ABLIM3: variants seen among roughly 807,000 people sequenced by gnomAD.
ABLIM3 encodes actin binding LIM protein family member 3, also known as actin-binding LIM protein 3.
Under a neutral mutation model 109.5 loss-of-function variants are expected in ABLIM3, and 61 were observed. The observed-to-expected ratio is 0.56, with a 90% confidence interval of 0.45 to 0.69. The LOEUF is 0.69. ABLIM3 is among the 30% of genes least tolerant of loss of function. The probability of loss-of-function intolerance (pLI) is 0.00; values close to 1 mark genes in which losing one functional copy is unlikely to be tolerated. For missense variants in ABLIM3, 796 were observed against 889.5 expected (o/e 0.89, Z 1.34); for synonymous variants, 300 against 324.8 (o/e 0.92, Z 0.82).
chr5:149,246,913 A>G (rs1226595485), intron 17 of ABLIM3, among the ~76,000 whole-genome samples: 1 of 152,254 alleles, frequency 6.6e-6, no homozygotes, highest in Non-Finnish European at 1.5e-5. Context: ...AAAATTAAAC[A>G]TAAAATTACC....
At chr5:149,242,080 G>A (rs1476307694) in intron 14 of ABLIM3, among the ~76,000 whole-genome samples, 2 of 152,202 alleles carry the variant, frequency 1.3e-5, no homozygotes, top group African/African-American at 4.8e-5. Context: ...GTCTTTGAGG[G>A]AGGGGGAGGG....
intron 2 of ABLIM3, chr5:149,164,268 C>T (rs1324365398): frequency 6.6e-6 from 1 of 152,190 alleles, no homozygotes; most frequent in Non-Finnish European, 1.5e-5. Context: ...TTGTGAGAAA[C>T]AGCTGTCACA....
intron 15 of ABLIM3, chr5:149,243,225 G>C (rs1345741677): frequency 3.3e-5 from 5 of 152,348 alleles, no homozygotes; most frequent in Admixed American, 3.3e-4. Flanking sequence ...TAAATATTGA[G>C]AGTGTGAACT....
At chr5:149,160,093 G>A (rs1245672815) in intron 2 of ABLIM3, among the ~76,000 whole-genome samples, 1 of 152,054 alleles carries the variant, frequency 6.6e-6, no homozygotes, top group Non-Finnish European at 1.5e-5. Flanking sequence ...AACTCCCAAA[G>A]CATAGCAAAC....
intron 2 of ABLIM3, among the ~76,000 whole-genome samples, chr5:149,182,299 G>A (rs769641427): frequency 2.0e-5 from 3 of 152,206 alleles, no homozygotes; most frequent in Admixed American, 1.3e-4. Context: ...TTTATAACCA[G>A]GACAAGAGTG....
chr5:149,172,567 G>T (rs1755538503), intron 2 of ABLIM3, among the ~76,000 whole-genome samples: 1 of 152,174 alleles, frequency 6.6e-6, no homozygotes, highest in Admixed American at 6.5e-5. Context: ...CTCAGATGGT[G>T]ATTAAAAGTG....
chr5:149,170,830 A>T (rs76357074), intron 2 of ABLIM3, among the ~76,000 whole-genome samples: 6,019 of 152,256 alleles, frequency 0.04, 365 homozygotes, highest in African/African-American at 0.14. Context: ...ATGTCTCAAA[A>T]TATTCCTTAT....
intron 20 of ABLIM3, among the ~76,000 whole-genome samples, chr5:149,250,935 A>G (rs1016654627): frequency 6.6e-6 from 1 of 152,220 alleles, no homozygotes. Context: ...GCCCACCCCC[A>G]ACTGCTATGC....
chr5:149,253,626 A>G (rs1468015698), intron 23 of ABLIM3, among the ~76,000 whole-genome samples: 3 of 152,244 alleles, frequency 2.0e-5, no homozygotes, highest in East Asian at 3.8e-4. Context: ...TAGACGGACT[A>G]GAAAGACAAG....
At chr5:149,155,669 TG>T (rs1753812836) in intron 2 of ABLIM3, among the ~76,000 whole-genome samples, 2 of 152,186 alleles carry the variant, frequency 1.3e-5, no homozygotes, top group Admixed American at 1.3e-4. Flanking sequence ...CACACCCTAA[TG>T]CACAATTCCT....
intron 7 of ABLIM3, among the ~76,000 whole-genome samples, chr5:149,214,399 C>T (rs954050577): frequency 9.9e-5 from 15 of 152,102 alleles, no homozygotes; most frequent in African/African-American, 2.9e-4. Flanking sequence ...CCGGCACGCC[C>T]GGTGGAAAAA....
intron 7 of ABLIM3, among the ~76,000 whole-genome samples, chr5:149,212,251 TG>T (rs1392775292): frequency 6.6e-6 from 1 of 152,074 alleles, no homozygotes; most frequent in Non-Finnish European, 1.5e-5. Context: ...TGAGCAGAGC[TG>T]GGAAACATTT....
At chr5:149,208,017 G>A (rs1354114816) in intron 6 of ABLIM3, among the ~76,000 whole-genome samples, 2 of 152,260 alleles carry the variant, frequency 1.3e-5, no homozygotes, top group African/African-American at 2.4e-5. Context: ...CCTGATGCCA[G>A]GCAGTGGCAA....
At chr5:149,149,604 T>C (rs1232265173) in intron 2 of ABLIM3, among the ~76,000 whole-genome samples, 7 of 152,100 alleles carry the variant, frequency 4.6e-5, no homozygotes, top group Non-Finnish European at 7.4e-5. Context: ...TCAGAAAACG[T>C]CTCGGGCCAA....
intron 2 of ABLIM3, among the ~76,000 whole-genome samples, chr5:149,175,969 G>A (rs1341509579): frequency 3.3e-5 from 5 of 152,308 alleles, no homozygotes; most frequent in South Asian, 2.1e-4. Flanking sequence ...GAGAAGCTGC[G>A]GAGGAGTTTC....
intron 2 of ABLIM3, among the ~76,000 whole-genome samples, chr5:149,151,985 G>A (rs1208718975): frequency 5.3e-5 from 8 of 152,164 alleles, no homozygotes; most frequent in Admixed American, 1.3e-4. Context: ...CCTCCTGGTG[G>A]CCAATGTAAA....
At chr5:149,165,426 A>G (rs747925614) in intron 2 of ABLIM3, among the ~76,000 whole-genome samples, 10 of 152,196 alleles carry the variant, frequency 6.6e-5, no homozygotes, top group Admixed American at 1.3e-4. Flanking sequence ...ACATTTATGT[A>G]TTGTTTTTGG....
At chr5:149,212,994 T>C (rs1291962213) in intron 7 of ABLIM3, among the ~76,000 whole-genome samples, 2 of 152,128 alleles carry the variant, frequency 1.3e-5, no homozygotes, top group Non-Finnish European at 2.9e-5. Context: ...GGCATGGTGG[T>C]GCACGCTTGT....
At chr5:149,225,617 T>C (rs1489994026) in intron 8 of ABLIM3, among the ~76,000 whole-genome samples, 1 of 152,184 alleles carries the variant, frequency 6.6e-6, no homozygotes, top group Non-Finnish European at 1.5e-5. Flanking sequence ...TTGGAAGTTC[T>C]TCAGTGACGT....
Sources: allele counts gnomAD v4.1 joint callset (sites outside exome capture counted in the v4.1 genomes callset), GRCh38; gene constraint gnomAD v4.1.1; transcripts MANE v1.5; gene names NCBI Gene and HGNC (gene_info 2026-07-23, HGNC 2026-07-21).